The following HYLS1 variants were observed in gnomAD, a reference collection of about 807,000 sequenced individuals.
HYLS1 encodes HYLS1 centriolar and ciliogenesis associated, also known as centriolar and ciliogenesis-associated protein HYLS1.
Under a neutral mutation model 29.4 loss-of-function variants are expected in HYLS1, and 25 were observed. The ratio of observed to expected loss-of-function variants is 0.85; its 90% confidence interval spans 0.62 to 1.19. The LOEUF is 1.19. Ranked by LOEUF, HYLS1 falls within the 50% of genes most tolerant of loss-of-function variation. The pLI is 0.00. For synonymous variants in HYLS1, 128 were observed against 126.7 expected (o/e 1.01, Z -0.07); for missense variants, 352 against 365.1 (o/e 0.96, Z 0.29).
At position 125,895,468 on chromosome 11, in the gene HYLS1, C is replaced by A. The variant is rs148017767; in HGVS notation, c.-25-3876C>A. The A allele has an allele frequency of 4.2e-4, 675 of 1,614,002 alleles. 2 individuals are homozygous for A. The highest frequency in any genetic ancestry group is 5.3e-4 in the Non-Finnish European group (631 of 1,180,016). On this transcript the variant is annotated intron_variant, in intron 2 of 2. Coordinates refer to ENST00000425380, the MANE Select transcript of HYLS1 (RefSeq NM_001134793.2). Reference sequence around the variant, plus strand: ...AGAATAGTCCTCTGAAAATTAATCACACCGTTGGCTACATCCATTTTACAC... The same window carrying A: ...AGAATAGTCCTCTGAAAATTAATCAAACCGTTGGCTACATCCATTTTACAC...
Position 125,900,404 on chromosome 11 carries a change from C to G in HYLS1, c.*136C>G. The stretch of plus-strand genomic sequence containing the variant: ...AGGACTTCACCTATCATTGGTCTTT[C>G]CTAGCTATATATCACATTGGTATCA... On this transcript the variant is annotated 3_prime_UTR_variant, in exon 3 of 3. Transcript: ENST00000425380. The G allele has an allele frequency of 1.3e-6, 1 of 793,438 alleles. No individual in the cohort carries two copies. Among genetic ancestry groups the G allele is most frequent in the Non-Finnish European group, 2.1e-6 (1 of 478,874 alleles). 49.1% of individuals were successfully genotyped at this position (793,438 alleles called of 1,614,324 possible).
intron 2 of HYLS1, chr11:125,895,566 C>T (rs564112431): frequency 1.6e-5 from 26 of 1,614,092 alleles, no homozygotes; most frequent in East Asian, 6.7e-5. Flanking sequence ...TAAATCAGCA[C>T]GAGGGAAAAA....
rs1944733583 is a variant in HYLS1, at chr11:125,900,349, T to C, written c.*81T>C. 2 of 1,377,264 alleles carry C rather than the reference T, an allele frequency of 1.5e-6. No homozygotes were observed. The highest frequency in any genetic ancestry group is 1.4e-5 in the African/African-American group (1 of 69,808). The allele number at this position is 1,377,264 out of a possible 1,614,324, so 85.3% of individuals were successfully genotyped here. On this transcript the variant is annotated 3_prime_UTR_variant, in exon 3 of 3. Coordinates refer to ENST00000425380, the MANE Select transcript of HYLS1 (RefSeq NM_001134793.2). ...TCCCTTTTAAATAGAAACAACTGTC[T>C]TGAGAAGCTCTTCGAAACATTTTAT...
At chr11:125,891,176 C>A (rs764416520) in intron 1 of HYLS1, among the ~76,000 whole-genome samples, 8 of 152,154 alleles carry the variant, frequency 5.3e-5, no homozygotes, top group Non-Finnish European at 1.2e-4. Flanking sequence ...TTTGTTCCAC[C>A]TGTGATGACT....
intron 2 of HYLS1, chr11:125,895,553 A>T: frequency 6.2e-7 from 1 of 1,614,206 alleles, no homozygotes. Context: ...TGGTTACAAT[A>T]TCTAAATCAG....
chr11:125,894,086 A>G (rs1456489100), intron 2 of HYLS1: 1 of 1,614,100 alleles, frequency 6.2e-7, no homozygotes, highest in South Asian at 1.1e-5. Flanking sequence ...CATTCCATCC[A>G]TCTTTGGTCC....
At chr11:125,895,718 C>T (rs766378573) in intron 2 of HYLS1, 38 of 1,613,504 alleles carry the variant, frequency 2.4e-5, no homozygotes, top group Non-Finnish European at 3.1e-5. Context: ...CAGCATTAGC[C>T]TCCTCTTTTA....
intron 2 of HYLS1, chr11:125,896,265 T>G (rs1944587254): frequency 6.2e-7 from 1 of 1,611,068 alleles, no homozygotes; most frequent in East Asian, 2.2e-5. Flanking sequence ...CTGGTTTCTG[T>G]CTGTGTCATT....
chr11:125,899,460 G>A lies in HYLS1; in HGVS notation c.92G>A (p.Cys31Tyr), dbSNP rs771283308. The change falls in exon 3 of 3, where the codon TGT (cysteine) becomes TAT (tyrosine). Residue 31 changes from cysteine to tyrosine, a missense_variant. By Grantham distance (194) the Cys-to-Tyr change is radical (BLOSUM62 -2). Transcript: ENST00000425380. The stretch of plus-strand genomic sequence containing the variant: ...GCTGCTACAGCTTTTACCCACATCT[G>A]TGCAGGGCAGGGTGAAGGAGATGTC... ...LAAATAFTHI[C>Y]AGQGEGDVRR... is the part of the protein sequence containing the mutation. 12 of 1,614,052 alleles carry A rather than the reference G, an allele frequency of 7.4e-6. No individual in the cohort carries two copies. The highest frequency in any genetic ancestry group is 4.4e-5 in the South Asian group (4 of 91,082).
chr11:125,897,637 T>C (rs1254115811), intron 2 of HYLS1, among the ~76,000 whole-genome samples: 1 of 152,154 alleles, frequency 6.6e-6, no homozygotes, highest in African/African-American at 2.4e-5. Context: ...TGCTCAATTT[T>C]ACTCAGCTGA....
intron 2 of HYLS1, chr11:125,895,691 A>G (rs1160441278): frequency 6.2e-7 from 1 of 1,614,062 alleles, no homozygotes; most frequent in East Asian, 2.2e-5. Flanking sequence ...TGTGGGTATA[A>G]CGGATCTCTT....
intron 1 of HYLS1, among the ~76,000 whole-genome samples, chr11:125,889,223 C>T (rs188722325): frequency 6.6e-6 from 1 of 152,228 alleles, no homozygotes; most frequent in East Asian, 1.9e-4. Flanking sequence ...GGATGCGTGG[C>T]GTTTGTTGCT....
chr11:125,886,200 G>C (rs1944301990), upstream of HYLS1, among the ~76,000 whole-genome samples: 1 of 152,138 alleles, frequency 6.6e-6, no homozygotes, highest in African/African-American at 2.4e-5. Flanking sequence ...TGTAGGGGCA[G>C]TCACTCAAAT....
At chr11:125,894,320 C>T in intron 2 of HYLS1, 1 of 1,528,538 alleles carries the variant, frequency 6.5e-7, no homozygotes, top group Non-Finnish European at 8.9e-7. Context: ...TTTGAGAATA[C>T]ATAACATCCA....
In HYLS1 at chr11:125,887,828, G is replaced by A. The variant is rs1056450911; in HGVS notation, c.-76+63G>A. On this transcript the variant is annotated intron_variant, in intron 1 of 2. Coordinates refer to ENST00000425380, the MANE Select transcript of HYLS1 (RefSeq NM_001134793.2). ...GACCTGGTGGCTGCCGGCCCACTGC[G>A]GCGGGAGCCCTCGCTCCTTTTCCCA... is the stretch of plus-strand genomic sequence containing the variant. 5 of 152,270 alleles carry A rather than the reference G, an allele frequency of 3.3e-5. No homozygotes were observed. The East Asian group carries it at 9.6e-4, about 29-fold the overall frequency. The allele number at this position is 152,270 out of a possible 1,614,324, so 9.4% of individuals were successfully genotyped here.
At chr11:125,897,076 T>C (rs948535498) in intron 2 of HYLS1, among the ~76,000 whole-genome samples, 24 of 152,172 alleles carry the variant, frequency 1.6e-4, no homozygotes, top group Non-Finnish European at 4.4e-5. Context: ...CTGTAATATT[T>C]CAATAATCTG....
upstream of HYLS1, chr11:125,887,095 G>T (rs1383836682): frequency 2.6e-5 from 4 of 152,644 alleles, no homozygotes; most frequent in African/African-American, 9.7e-5. Context: ...TGCACACCAT[G>T]CAGAGGAAAG....
rs200292412 is a variant in HYLS1 at position 125,894,220 on chromosome 11, G to A, written c.-26+2748G>A. The A allele has an allele frequency of 6.0e-4, 974 of 1,613,194 alleles. 16 individuals are homozygous for A. In the South Asian group the frequency reaches 9.9e-3, roughly 16 times the overall value. ...TAATATTGAACTCCTGAGCCTCCTGGTCATAGATCCACTTGACATTTTCAA... is the reference window on the plus strand; with the variant it reads ...TAATATTGAACTCCTGAGCCTCCTGATCATAGATCCACTTGACATTTTCAA... On this transcript the variant is annotated intron_variant, in intron 2 of 2. Transcript: ENST00000425380.
At position 125,900,087 on chromosome 11, in the gene HYLS1, G is replaced by A. The variant is rs774767470; in HGVS notation, c.719G>A (p.Gly240Asp). ...GATCATAGAAAGGAATTACGCTGGG[G>A]TGTCCGAGAGCAGATGCTTTGTCGA... ...GEDHRKELRW[G>D]VREQMLCRAE... The change falls in exon 3 of 3, where the codon GGT becomes GAT. Residue 240 changes from glycine (G) to aspartate (D), a missense_variant. By Grantham distance (94) the Gly-to-Asp change is moderately conservative. Coordinates refer to ENST00000425380, the MANE Select transcript of HYLS1 (RefSeq NM_001134793.2). The A allele has an allele frequency of 6.2e-7, 1 of 1,614,194 alleles. No homozygotes were observed. The highest frequency in any genetic ancestry group is 8.5e-7 in the Non-Finnish European group (1 of 1,180,042).
Sources: allele counts gnomAD v4.1 joint callset (sites outside exome capture counted in the v4.1 genomes callset), GRCh38; gene constraint gnomAD v4.1.1; transcripts MANE v1.5; gene names NCBI Gene and HGNC (gene_info 2026-07-23, HGNC 2026-07-21).